The following GALNT13 variants were observed in gnomAD, a reference collection of about 807,000 sequenced individuals.
GALNT13 encodes the protein UDP-GalNAc:polypeptide N-acetylgalactosaminyltransferase 13.
GALNT13 carries 28 observed loss-of-function variants against 64.2 expected under a neutral mutation model. The observed-to-expected ratio is 0.44, with a 90% confidence interval of 0.32 to 0.60. The LOEUF (loss-of-function observed/expected upper bound fraction) is 0.60, where lower values mean the gene tolerates loss of function less well. Ranked by LOEUF, GALNT13 falls within the 20% of genes least tolerant of loss-of-function variation. GALNT13 has a pLI of 0.05. For synonymous variants in GALNT13, 214 were observed against 224.6 expected, an observed-to-expected ratio of 0.95 and a Z score of 0.42; for missense variants, 577 against 669.8, an observed-to-expected ratio of 0.86 and a Z score of 1.53.
chr2:154,440,530 T>C (rs1701236218), intron 12 of GALNT13, among the ~76,000 whole-genome samples: 3 of 152,150 alleles, frequency 2.0e-5, no homozygotes, highest in African/African-American at 4.8e-5. Flanking sequence ...GGATGACTAG[T>C]AGTTATCTGT....
the GALNT13 span, among the ~76,000 whole-genome samples, chr2:153,621,706 G>A: frequency 6.6e-6 from 1 of 152,056 alleles, no homozygotes; most frequent in African/African-American, 2.4e-5. Flanking sequence ...AAAGGCAGAG[G>A]AGCCTCACCC....
chr2:154,413,538 T>G (rs987205678), intron 11 of GALNT13, among the ~76,000 whole-genome samples: 6 of 151,976 alleles, frequency 3.9e-5, no homozygotes, highest in Non-Finnish European at 8.8e-5. Flanking sequence ...AAACCCCTCA[T>G]AATTGTATCC....
chr2:153,265,814 A>G, the GALNT13 span, among the ~76,000 whole-genome samples: 2 of 152,200 alleles, frequency 1.3e-5, no homozygotes, highest in Non-Finnish European at 2.9e-5. Flanking sequence ...TGAAGATGCT[A>G]TGAGTATTGT....
the GALNT13 span, among the ~76,000 whole-genome samples, chr2:153,553,230 T>G: frequency 7.2e-6 from 1 of 138,098 alleles, no homozygotes; most frequent in Non-Finnish European, 1.5e-5. Context: ...AATTAGATGT[T>G]GGCCACATGT....
At chr2:153,742,645 C>G in the GALNT13 span, among the ~76,000 whole-genome samples, 2 of 152,048 alleles carry the variant, frequency 1.3e-5, no homozygotes, top group African/African-American at 2.4e-5. Flanking sequence ...TGTAATTTAG[C>G]TCCCACTTAT....
chr2:154,035,904 A>T (rs1026913499), intron 3 of GALNT13, among the ~76,000 whole-genome samples: 1 of 152,018 alleles, frequency 6.6e-6, no homozygotes, highest in African/African-American at 2.4e-5. Flanking sequence ...TGAGATGAAG[A>T]TATTTCCATG....
At chr2:153,426,722 G>A in the GALNT13 span, among the ~76,000 whole-genome samples, 8 of 151,894 alleles carry the variant, frequency 5.3e-5, no homozygotes, top group Admixed American at 5.3e-4. Flanking sequence ...CTTGAGGTAA[G>A]CCTGTTTCAT....
chr2:154,087,347 A>G (rs995142908), intron 3 of GALNT13, among the ~76,000 whole-genome samples: 6 of 152,092 alleles, frequency 3.9e-5, no homozygotes, highest in Admixed American at 2.6e-4. Flanking sequence ...TATGTTGCAC[A>G]TTAACCGAAG....
chr2:154,428,908 C>T (rs963779063), intron 11 of GALNT13, among the ~76,000 whole-genome samples: 6 of 151,970 alleles, frequency 3.9e-5, no homozygotes. Flanking sequence ...CAGCCTCCCA[C>T]GGGCGCCTGC....
At chr2:153,967,891 G>A (rs796264601) in intron 3 of GALNT13, among the ~76,000 whole-genome samples, 11 of 152,260 alleles carry the variant, frequency 7.2e-5, no homozygotes, top group African/African-American at 2.4e-4. Context: ...CCCTTCAGGA[G>A]CAAAGGTCGG....
chr2:154,385,987 C>T (rs1450479308), intron 9 of GALNT13, among the ~76,000 whole-genome samples: 2 of 152,028 alleles, frequency 1.3e-5, no homozygotes. Context: ...ATAGCAACAA[C>T]ATGTATGATA....
chr2:154,126,559 CG>C (rs1226078696), intron 3 of GALNT13, among the ~76,000 whole-genome samples: 1 of 150,148 alleles, frequency 6.7e-6, no homozygotes, highest in Non-Finnish European at 1.5e-5. Context: ...GGCGTGAACC[CG>C]GGAGGCGGAG....
chr2:153,533,224 G>C, the GALNT13 span, among the ~76,000 whole-genome samples: 1 of 151,950 alleles, frequency 6.6e-6, no homozygotes, highest in South Asian at 2.1e-4. Context: ...GGTCTTTTTA[G>C]GTGGAGAGGC....
chr2:153,610,423 C>T, the GALNT13 span, among the ~76,000 whole-genome samples: 4 of 152,048 alleles, frequency 2.6e-5, no homozygotes, highest in African/African-American at 9.7e-5. Flanking sequence ...ACCTGTAATC[C>T]CAGCACTTTG....
the GALNT13 span, among the ~76,000 whole-genome samples, chr2:153,693,839 G>A: frequency 6.6e-6 from 1 of 152,218 alleles, no homozygotes; most frequent in South Asian, 2.1e-4. Flanking sequence ...AATCGGCTGG[G>A]CGCGGTGGCT....
chr2:153,365,777 C>A, the GALNT13 span, among the ~76,000 whole-genome samples: 1 of 152,094 alleles, frequency 6.6e-6, no homozygotes, highest in Non-Finnish European at 1.5e-5. Context: ...GAAATAGGAA[C>A]ACTTACACTG....
chr2:153,841,463 T>C, the GALNT13 span, among the ~76,000 whole-genome samples: 2 of 152,292 alleles, frequency 1.3e-5, no homozygotes, highest in South Asian at 4.1e-4. Context: ...TTAAACATTT[T>C]ATATACATAT....
the GALNT13 span, among the ~76,000 whole-genome samples, chr2:153,209,912 T>C: frequency 6.6e-5 from 10 of 152,190 alleles, no homozygotes; most frequent in African/African-American, 2.4e-4. Context: ...CAATATTTCA[T>C]GTTTTTTCAT....
At chr2:153,984,320 A>G (rs1303295958) in intron 3 of GALNT13, among the ~76,000 whole-genome samples, 1 of 151,756 alleles carries the variant, frequency 6.6e-6, no homozygotes, top group Admixed American at 6.6e-5. Context: ...TATGTGTGCA[A>G]TCTTGTACTT....
Sources: gnomAD v4.1 joint callset for allele counts (sites outside exome capture counted in the v4.1 genomes callset) on GRCh38, gnomAD v4.1.1 for gene constraint, MANE v1.5 for transcripts, NCBI Gene and HGNC (gene_info 2026-07-23, HGNC 2026-07-21) for gene names.